The following MAPT variants were observed in gnomAD, a reference collection of about 807,000 sequenced individuals.
MAPT encodes the protein microtubule associated protein tau.
Under a neutral mutation model 67.9 loss-of-function variants are expected in MAPT, and 34 were observed. The observed-to-expected ratio is 0.50, with a 90% confidence interval of 0.38 to 0.67. The LOEUF (loss-of-function observed/expected upper bound fraction) is 0.67. Among genes scored for constraint, MAPT ranks in the 30% least tolerant of loss-of-function variants. The probability of loss-of-function intolerance (pLI) is 0.00; values close to 1 mark genes in which losing one functional copy is unlikely to be tolerated. For missense variants in MAPT, 881 were observed against 1,115.2 expected, an observed-to-expected ratio of 0.79 and a Z score of 2.99; for synonymous variants, 456 against 464.5, an observed-to-expected ratio of 0.98 and a Z score of 0.23.
At chr17:45,913,506 AC>A (rs2064946998) in intron 1 of MAPT, among the ~76,000 whole-genome samples, 1 of 152,128 alleles carries the variant, frequency 6.6e-6, no homozygotes, top group African/African-American at 2.4e-5. Flanking sequence ...TGATACCTGA[AC>A]CTTCCCTGGG....
At chr17:45,999,726 C>T (rs1481358267) in intron 9 of MAPT, 13 of 1,371,510 alleles carry the variant, frequency 9.5e-6, no homozygotes, top group Non-Finnish European at 1.1e-5. Flanking sequence ...GGCAGCACGT[C>T]CAAATCTACT....
intron 1 of MAPT, among the ~76,000 whole-genome samples, chr17:45,904,348 T>TA (rs1491123770): frequency 1.2e-5 from 1 of 82,874 alleles, no homozygotes; most frequent in Non-Finnish European, 2.2e-5. Flanking sequence ...ATATATATAT[T>TA]ATATATATTA....
intron 1 of MAPT, among the ~76,000 whole-genome samples, chr17:45,946,827 A>G (rs2068561076): frequency 6.6e-6 from 1 of 151,876 alleles, no homozygotes; most frequent in South Asian, 2.1e-4. Context: ...GTCCTCTCAG[A>G]CACAATCTGG....
intron 1 of MAPT, among the ~76,000 whole-genome samples, chr17:45,941,745 T>G (rs561861142): frequency 9.0e-5 from 13 of 144,256 alleles, no homozygotes; most frequent in South Asian, 6.7e-4. Context: ...CTTCCTTCCT[T>G]CCTTCCTTCC....
rs1468266604 is a variant in MAPT, at chr17:46,026,187, C to T, written c.*2016C>T. On this transcript the variant is annotated 3_prime_UTR_variant, in exon 13 of 13. Transcript: ENST00000262410. ...TGTCTCTCACCCCCACACTGGGACT[C>T]GTGTGGCCTGTGTGGTGCCACCCTG... The T allele has an allele frequency of 2.0e-5, 3 of 152,596 alleles. No homozygotes were observed. The highest frequency in any genetic ancestry group is 2.9e-5 in the Non-Finnish European group (2 of 68,062). 9.5% of individuals were successfully genotyped at this position (152,596 alleles called of 1,614,324 possible). A position where few individuals can be genotyped will look rare whatever the true frequency, so the allele number is the denominator to read the frequency against.
chr17:45,931,068 G>A (rs562722750), intron 1 of MAPT, among the ~76,000 whole-genome samples: 3 of 152,282 alleles, frequency 2.0e-5, no homozygotes, highest in South Asian at 2.1e-4. Flanking sequence ...TGAGAGAAAC[G>A]GGCATTGTCA....
chr17:45,958,736 AAAAAGAG>A (rs2070027845), intron 1 of MAPT, among the ~76,000 whole-genome samples: 1 of 151,828 alleles, frequency 6.6e-6, no homozygotes, highest in South Asian at 2.1e-4. Context: ...AAAAAAAAAA[AAAAAGAG>A]GAGAAAAATG....
intron 9 of MAPT, among the ~76,000 whole-genome samples, chr17:45,997,118 C>T (rs1598329325): frequency 6.6e-6 from 1 of 152,312 alleles, no homozygotes; most frequent in South Asian, 2.1e-4. Context: ...CCTCTGGATT[C>T]TGGGGAGATT....
chr17:45,927,511 A>T (rs2066454196), intron 1 of MAPT, among the ~76,000 whole-genome samples: 1 of 152,060 alleles, frequency 6.6e-6, no homozygotes, highest in South Asian at 2.1e-4. Context: ...GGCCTCCATG[A>T]CCCTATGTCT....
At chr17:45,962,268 C>G (rs757868162) in intron 1 of MAPT, 53 bp from the exon 2 acceptor site, 59 of 1,465,184 alleles carry the variant, frequency 4.0e-5, no homozygotes, top group Non-Finnish European at 5.0e-5. Context: ...TCTTCACCCC[C>G]ACTCTGCCCC....
chr17:46,005,795 A>G (rs2075372580), intron 9 of MAPT, among the ~76,000 whole-genome samples: 1 of 152,186 alleles, frequency 6.6e-6, no homozygotes, highest in Non-Finnish European at 1.5e-5. Flanking sequence ...CTGGCAGGAG[A>G]GAATTTCAAC....
At chr17:45,923,977 T>C (rs1304646061) in intron 1 of MAPT, among the ~76,000 whole-genome samples, 2 of 152,186 alleles carry the variant, frequency 1.3e-5, no homozygotes, top group African/African-American at 4.8e-5. Flanking sequence ...GTGCTTAGAG[T>C]GGAGCTTTGC....
chr17:45,963,122 A>G (rs542806227), intron 2 of MAPT, among the ~76,000 whole-genome samples: 2 of 152,332 alleles, frequency 1.3e-5, no homozygotes, highest in Admixed American at 6.5e-5. Flanking sequence ...ATTGCTTTTT[A>G]TCTCTTACTT....
intron 1 of MAPT, among the ~76,000 whole-genome samples, chr17:45,933,709 G>A (rs940953368): frequency 5.3e-5 from 8 of 152,104 alleles, no homozygotes; most frequent in African/African-American, 1.4e-4. Flanking sequence ...AGTGCCACGC[G>A]ATGCCATTTG....
intron 9 of MAPT, among the ~76,000 whole-genome samples, chr17:46,008,330 T>C (rs573556048): frequency 1.4e-4 from 21 of 152,258 alleles, no homozygotes; most frequent in African/African-American, 4.8e-4. Flanking sequence ...CGTCAGGTGA[T>C]CCACCAGCCT....
intron 1 of MAPT, among the ~76,000 whole-genome samples, chr17:45,942,356 A>G (rs1186396759): frequency 1.3e-5 from 2 of 152,182 alleles, no homozygotes; most frequent in African/African-American, 2.4e-5. Flanking sequence ...GCACCAGGAC[A>G]CGGTTTTGGC....
intron 2 of MAPT, among the ~76,000 whole-genome samples, chr17:45,967,501 A>G (rs966516508): frequency 6.6e-6 from 1 of 152,200 alleles, no homozygotes; most frequent in African/African-American, 2.4e-5. Flanking sequence ...AGGCTTTTGC[A>G]AAAGCTCCAG....
chr17:45,949,005 A>G (rs989414429), intron 1 of MAPT, among the ~76,000 whole-genome samples: 10 of 152,254 alleles, frequency 6.6e-5, no homozygotes, highest in African/African-American at 2.4e-4. Context: ...GTTTTTAACG[A>G]TAGCTTTATT....
intron 11 of MAPT, among the ~76,000 whole-genome samples, chr17:46,017,480 T>G: frequency 8.3e-6 from 1 of 120,032 alleles, no homozygotes; most frequent in Admixed American, 9.4e-5. Context: ...TGAGATGGAG[T>G]TGTACTCTCA....
Sources: allele counts gnomAD v4.1 joint callset (sites outside exome capture counted in the v4.1 genomes callset), GRCh38; gene constraint gnomAD v4.1.1; transcripts MANE v1.5; gene names NCBI Gene and HGNC (gene_info 2026-07-23, HGNC 2026-07-21).